COL4A4: variants seen among roughly 807,000 people sequenced by gnomAD.
COL4A4 encodes the protein collagen alpha-4(IV) chain.
A neutral mutation model predicts 192.9 loss-of-function variants in COL4A4; 105 were observed. That is an observed-to-expected ratio of 0.54 (90% CI 0.46 to 0.64). The LOEUF (loss-of-function observed/expected upper bound fraction) is 0.64. COL4A4 is among the 30% of genes least tolerant of loss of function. The probability of loss-of-function intolerance (pLI) is 0.00; values close to 1 mark genes in which losing one functional copy is unlikely to be tolerated. For missense variants in COL4A4, 1,967 were observed against 2,169.3 expected (o/e 0.91, Z 1.85); for synonymous variants, 762 against 769.9 (o/e 0.99, Z 0.17).
intron 19 of COL4A4, among the ~76,000 whole-genome samples, chr2:227,095,284 T>C (rs2060150526): frequency 6.6e-6 from 1 of 152,174 alleles, no homozygotes; most frequent in African/African-American, 2.4e-5. Flanking sequence ...ACATAAAATA[T>C]TGTACCTATC....
intron 25 of COL4A4, among the ~76,000 whole-genome samples, chr2:227,073,604 A>G (rs977773070): frequency 3.3e-5 from 5 of 152,164 alleles, no homozygotes; most frequent in Non-Finnish European, 7.4e-5. Flanking sequence ...CTAAGCAAAA[A>G]AGAACAAATC....
intron 34 of COL4A4, 47 bp downstream of exon 34, chr2:227,050,021 T>G (rs762647944): frequency 6.4e-7 from 1 of 1,553,750 alleles, no homozygotes; most frequent in East Asian, 2.2e-5. Context: ...TTATAAACAT[T>G]CGGGACTATG....
chr2:227,089,755 G>C (rs2059811628), intron 21 of COL4A4, 113 bp downstream of exon 21: 1 of 854,692 alleles, frequency 1.2e-6, no homozygotes, highest in African/African-American at 1.7e-5. Flanking sequence ...TCTAGTGGGT[G>C]ACTAAGGTGA....
intron 35 of COL4A4, among the ~76,000 whole-genome samples, chr2:227,044,926 A>T (rs1457044468): frequency 1.3e-5 from 2 of 152,246 alleles, no homozygotes; most frequent in Non-Finnish European, 2.9e-5. Flanking sequence ...GCCAATTTAA[A>T]TGGTGGTAAC....
chr2:227,149,868 T>C (rs1045414417), intron 1 of COL4A4, among the ~76,000 whole-genome samples: 1 of 151,360 alleles, frequency 6.6e-6, no homozygotes, highest in South Asian at 2.1e-4. Context: ...GATGGATGAA[T>C]GGACAGACAG....
At position 227,092,728 on chromosome 2, in the gene COL4A4, T is replaced by A. The variant is rs149319165; in HGVS notation, c.1369+1397A>T. 8.5e-4 allele frequency among the ~76,000 whole-genome samples: 130 copies of A among 152,312 alleles called. 1 individual carries two copies. The highest frequency in any genetic ancestry group is 3.0e-3 in the African/African-American group (126 of 41,580). ...GCTCAGCTGGTGAATGGCCCTTATA[T>A]AACCAACTATTCAGTGTAAACTCTG... On this transcript the variant is annotated intron_variant, in intron 20 of 47. Coordinates refer to ENST00000396625, the MANE Select transcript of COL4A4 (RefSeq NM_000092.5).
intron 23 of COL4A4, among the ~76,000 whole-genome samples, chr2:227,081,906 A>T (rs2059346850): frequency 6.6e-6 from 1 of 152,192 alleles, no homozygotes. Flanking sequence ...TGTGTGGCTA[A>T]AGGAATATTT....
At chr2:227,083,087 G>T (rs537260190) in intron 22 of COL4A4, among the ~76,000 whole-genome samples, 29 of 152,232 alleles carry the variant, frequency 1.9e-4, no homozygotes, top group African/African-American at 7.0e-4. Context: ...AAATTAGCTG[G>T]ATGTGATGGT....
rs374680846 is a variant in COL4A4 at position 227,099,645 on chromosome 2, C to T, written c.1074G>A (p.Leu358=). Residue 358 remains leucine (L), a synonymous_variant, in exon 18 of 48, where the codon TTG becomes TTA. Transcript: ENST00000396625. ...NRGHPGPPGV[L]VTPPLPLKGP... ...CTTTGAGTGGAAGAGGTGGAGTCAC[C>T]AAAACACCTGGTGGTCCTGGGTGCC... 1 of 1,613,972 alleles carries T rather than the reference C, an allele frequency of 6.2e-7. No homozygotes were observed. The highest frequency in any genetic ancestry group is 8.5e-7 in the Non-Finnish European group (1 of 1,179,992).
chr2:227,056,671 G>A (rs568044605), intron 29 of COL4A4, among the ~76,000 whole-genome samples: 2 of 152,360 alleles, frequency 1.3e-5, no homozygotes, highest in South Asian at 4.1e-4. Context: ...TGTTCTGAAT[G>A]TGTCCCTCCA....
At chr2:227,159,014 T>C (rs888767256) in intron 1 of COL4A4, among the ~76,000 whole-genome samples, 1 of 152,200 alleles carries the variant, frequency 6.6e-6, no homozygotes, top group Non-Finnish European at 1.5e-5. Flanking sequence ...TAGAAAAATA[T>C]TCATAGTAGC....
chr2:227,101,616 C>A, intron 16 of COL4A4, 59 bp from the exon 17 acceptor site: 1 of 1,503,522 alleles, frequency 6.7e-7, no homozygotes, highest in Non-Finnish European at 9.2e-7. Flanking sequence ...CAAATTATCT[C>A]ATTCTCATTT....
chr2:227,134,489 T>C (rs932575861), intron 4 of COL4A4, among the ~76,000 whole-genome samples: 1 of 152,210 alleles, frequency 6.6e-6, no homozygotes, highest in Non-Finnish European at 1.5e-5. Flanking sequence ...ATAAAAATTA[T>C]TGTTCTGAAC....
intron 20 of COL4A4, among the ~76,000 whole-genome samples, chr2:227,091,502 A>G (rs995048514): frequency 6.6e-6 from 1 of 151,956 alleles, no homozygotes; most frequent in Non-Finnish European, 1.5e-5. Context: ...GAGGGGAAAA[A>G]ATGGAGGAGA....
chr2:226,984,031 G>A, the COL4A4 span, among the ~76,000 whole-genome samples: 1 of 152,190 alleles, frequency 6.6e-6, no homozygotes, highest in Non-Finnish European at 1.5e-5. Context: ...GTCCCTTGGA[G>A]GGAGGGAGCT....
chr2:227,117,430 A>G (rs978616489), intron 7 of COL4A4, among the ~76,000 whole-genome samples: 1 of 152,224 alleles, frequency 6.6e-6, no homozygotes, highest in African/African-American at 2.4e-5. Context: ...AAACTTAACA[A>G]TGAAAGGTGG....
At chr2:227,075,662 T>G (rs1035914967) in intron 25 of COL4A4, among the ~76,000 whole-genome samples, 1 of 152,004 alleles carries the variant, frequency 6.6e-6, no homozygotes, top group Admixed American at 6.6e-5. Flanking sequence ...CAGAAAGAAA[T>G]AAAGAGCATT....
intron 33 of COL4A4, among the ~76,000 whole-genome samples, 156 bp from the exon 34 acceptor site, chr2:227,050,287 T>C (rs915715238): frequency 2.0e-5 from 3 of 152,344 alleles, no homozygotes; most frequent in African/African-American, 4.8e-5. Flanking sequence ...CCACTACATG[T>C]ATCTAGTTTT....
chr2:227,013,874 C>T (rs572481043), intron 44 of COL4A4, among the ~76,000 whole-genome samples: 2 of 152,224 alleles, frequency 1.3e-5, no homozygotes, highest in South Asian at 2.1e-4. Flanking sequence ...CCCTCCCCCA[C>T]CCTACTGAGG....
Sources: allele counts gnomAD v4.1 joint callset (sites outside exome capture counted in the v4.1 genomes callset), GRCh38; gene constraint gnomAD v4.1.1; transcripts MANE v1.5; gene names NCBI Gene and HGNC (gene_info 2026-07-23, HGNC 2026-07-21).